AHI1: variants seen among roughly 807,000 people sequenced by gnomAD.
AHI1 encodes the protein Abelson helper integration site 1, also known as jouberin.
Under a neutral mutation model 149.3 loss-of-function variants are expected in AHI1, and 123 were observed. The ratio of observed to expected loss-of-function variants is 0.82; its 90% confidence interval spans 0.71 to 0.96. AHI1 has a LOEUF of 0.96. AHI1 is among the 40% of genes least tolerant of loss of function. The probability of loss-of-function intolerance (pLI) is 0.00; values close to 1 mark genes in which losing one functional copy is unlikely to be tolerated. For missense variants in AHI1, 1,439 were observed against 1,422.7 expected, an observed-to-expected ratio of 1.01 and a Z score of -0.18; for synonymous variants, 475 against 459.8, an observed-to-expected ratio of 1.03 and a Z score of -0.42.
chr6:135,480,423 A>G (rs1225168063), intron 5 of AHI1, among the ~76,000 whole-genome samples: 2 of 151,816 alleles, frequency 1.3e-5, no homozygotes, highest in African/African-American at 4.8e-5. Flanking sequence ...TCACCACTGC[A>G]CTCCAGCCTG....
chr6:135,468,656 A>T (rs957701407), intron 5 of AHI1, among the ~76,000 whole-genome samples: 7 of 152,208 alleles, frequency 4.6e-5, no homozygotes, highest in Non-Finnish European at 2.9e-5. Context: ...ATAAAAAATG[A>T]TAAAGGGGAT....
At chr6:135,404,365 C>T (rs1780452541) in intron 22 of AHI1, among the ~76,000 whole-genome samples, 1 of 152,166 alleles carries the variant, frequency 6.6e-6, no homozygotes, top group Non-Finnish European at 1.5e-5. Flanking sequence ...TTTTTGTACA[C>T]TACCATTTTT....
intron 23 of AHI1, among the ~76,000 whole-genome samples, chr6:135,368,040 G>A (rs1774443959): frequency 6.6e-6 from 1 of 152,182 alleles, no homozygotes; most frequent in Non-Finnish European, 1.5e-5. Context: ...TGTCCCACGG[G>A]ATGCCCCTGA....
chr6:135,387,701 A>G (rs1306893799), intron 23 of AHI1: 2 of 902,066 alleles, frequency 2.2e-6, no homozygotes, highest in Non-Finnish European at 1.4e-6. Context: ...ATTAAGTTGT[A>G]TCTTAAAATA....
chr6:135,414,155 G>A (rs1269489578), intron 20 of AHI1, among the ~76,000 whole-genome samples: 1 of 152,138 alleles, frequency 6.6e-6, no homozygotes, highest in African/African-American at 2.4e-5. Flanking sequence ...AGTATAGAGT[G>A]CCCAGGGTGT....
At chr6:135,362,935 A>C (rs1317927530) in intron 23 of AHI1, among the ~76,000 whole-genome samples, 1 of 151,914 alleles carries the variant, frequency 6.6e-6, no homozygotes, top group Non-Finnish European at 1.5e-5. Flanking sequence ...TCTTTGCCTA[A>C]GCCAATGTCT....
At chr6:135,480,937 C>T (rs993684183) in intron 5 of AHI1, among the ~76,000 whole-genome samples, 1 of 152,188 alleles carries the variant, frequency 6.6e-6, no homozygotes, top group Non-Finnish European at 1.5e-5. Flanking sequence ...CTAACTAATA[C>T]CTGATGATCT....
chr6:135,350,205 T>C (rs1352033297), intron 24 of AHI1, among the ~76,000 whole-genome samples: 2 of 152,226 alleles, frequency 1.3e-5, no homozygotes, highest in Admixed American at 6.5e-5. Flanking sequence ...TTCAATTGCT[T>C]CTGATTCATC....
chr6:135,482,435 T>A (rs74601480), intron 5 of AHI1, among the ~76,000 whole-genome samples: 3,124 of 151,372 alleles, frequency 0.021, 44 homozygotes, highest in East Asian at 0.055. Context: ...AACCAGCTCT[T>A]ATAAACCTGG....
At chr6:135,403,365 A>G (rs1780292990) in intron 22 of AHI1, among the ~76,000 whole-genome samples, 1 of 152,216 alleles carries the variant, frequency 6.6e-6, no homozygotes, top group Non-Finnish European at 1.5e-5. Context: ...TGAAGATACT[A>G]GTAAGGTTAA....
chr6:135,347,491 T>G (rs961404540), intron 24 of AHI1, among the ~76,000 whole-genome samples: 1 of 152,206 alleles, frequency 6.6e-6, no homozygotes, highest in African/African-American at 2.4e-5. Context: ...AATTAACATA[T>G]TAAATCTAAA....
chr6:135,391,672 A>G (rs1370590694), intron 23 of AHI1, among the ~76,000 whole-genome samples: 2 of 151,950 alleles, frequency 1.3e-5, no homozygotes, highest in African/African-American at 2.4e-5. Context: ...TCAAACCAAG[A>G]CTCAAACCAC....
rs150596570 is a variant in AHI1, at chr6:135,415,569, C to T, written c.2765-4025G>A. On this transcript the variant is annotated intron_variant, in intron 20 of 28. Coordinates refer to ENST00000265602, the MANE Select transcript of AHI1 (RefSeq NM_001134831.2). ...AATGGTGGGAATGTTAAATGTTAAACGGCACAATCACTTTAAAAAATAGTC... is the reference window on the plus strand; with the variant it reads ...AATGGTGGGAATGTTAAATGTTAAATGGCACAATCACTTTAAAAAATAGTC... Among the ~76,000 whole-genome samples the T allele has an allele frequency of 5.3e-3, 805 of 152,270 alleles. 4 individuals carry two copies. The highest frequency in any genetic ancestry group is 0.017 in the African/African-American group (725 of 41,562).
chr6:135,368,037 C>A (rs374445014), intron 23 of AHI1, among the ~76,000 whole-genome samples: 53 of 152,288 alleles, frequency 3.5e-4, no homozygotes, highest in African/African-American at 1.2e-3. Context: ...TTCTGTCCCA[C>A]GGGATGCCCC....
chr6:135,492,398 T>C, intron 3 of AHI1, 107 bp from the exon 4 acceptor site: 1 of 1,345,270 alleles, frequency 7.4e-7, no homozygotes, highest in East Asian at 2.8e-5. Context: ...CTTCATTAAG[T>C]TTATACCAAT....
intron 24 of AHI1, among the ~76,000 whole-genome samples, chr6:135,348,290 T>C (rs1178137675): frequency 1.3e-5 from 2 of 152,224 alleles, no homozygotes. Context: ...TGGAAAGTAA[T>C]GCTCCATAAT....
chr6:135,294,020 GAC>G (rs1447389991), intron 27 of AHI1, among the ~76,000 whole-genome samples: 1 of 152,120 alleles, frequency 6.6e-6, no homozygotes, highest in African/African-American at 2.4e-5. Context: ...GTAGCATAAA[GAC>G]AGAGGAATAG....
chr6:135,434,903 AGTT>A (rs1785178182), intron 15 of AHI1, among the ~76,000 whole-genome samples: 1 of 152,276 alleles, frequency 6.6e-6, no homozygotes, highest in Admixed American at 6.5e-5. Flanking sequence ...CTGTATTAGA[AGTT>A]GTTGATTTGA....
At chr6:135,286,937 A>C (rs1781758645) in intron 28 of AHI1, among the ~76,000 whole-genome samples, 1 of 152,212 alleles carries the variant, frequency 6.6e-6, no homozygotes, top group Non-Finnish European at 1.5e-5. Context: ...ACTTTCACCA[A>C]ATTAGGATCT....
Sources: gnomAD v4.1 joint callset for allele counts (sites outside exome capture counted in the v4.1 genomes callset) on GRCh38, gnomAD v4.1.1 for gene constraint, MANE v1.5 for transcripts, NCBI Gene and HGNC (gene_info 2026-07-23, HGNC 2026-07-21) for gene names.